Variants in YAP1 observed in about 807,000 individuals in gnomAD.
YAP1 encodes the protein Yes1 associated transcriptional regulator.
A neutral mutation model predicts 56.9 loss-of-function variants in YAP1; 5 were observed. That is an observed-to-expected ratio of 0.09 (90% CI 0.05 to 0.18). YAP1 has a LOEUF of 0.18. Among genes scored for constraint, YAP1 ranks in the 10% least tolerant of loss-of-function variants. The pLI is 1.00. For synonymous variants in YAP1, 265 were observed against 248.1 expected, an observed-to-expected ratio of 1.07 and a Z score of -0.64; for missense variants, 539 against 651.8, an observed-to-expected ratio of 0.83 and a Z score of 1.88.
At chr11:102,144,601 C>G (rs1343896496) in intron 2 of YAP1, among the ~76,000 whole-genome samples, 2 of 152,152 alleles carry the variant, frequency 1.3e-5, no homozygotes, top group Admixed American at 6.5e-5. Context: ...TGGTGCCACC[C>G]TGTCTGAGTT....
chr11:102,125,099 C>T (rs866013796), intron 2 of YAP1, among the ~76,000 whole-genome samples: 11 of 150,938 alleles, frequency 7.3e-5, no homozygotes, highest in South Asian at 4.2e-4. Flanking sequence ...TGCAGTGGCA[C>T]GCTCAGGGCT....
At chr11:102,150,491 A>G (rs1458038230) in intron 2 of YAP1, among the ~76,000 whole-genome samples, 1 of 152,188 alleles carries the variant, frequency 6.6e-6, no homozygotes, top group Non-Finnish European at 1.5e-5. Context: ...CAAATAGTTC[A>G]GTTACCAATT....
At chr11:102,187,465 T>C (rs545736205) in intron 4 of YAP1, among the ~76,000 whole-genome samples, 3 of 152,322 alleles carry the variant, frequency 2.0e-5, no homozygotes, top group Admixed American at 2.0e-4. Flanking sequence ...CCAAGTAAGA[T>C]AGAGAATTTA....
chr11:102,193,567 A>G (rs1258434383), intron 4 of YAP1, among the ~76,000 whole-genome samples: 1 of 152,234 alleles, frequency 6.6e-6, no homozygotes, highest in Non-Finnish European at 1.5e-5. Context: ...CTGAGTAGAC[A>G]TATGTTACGG....
At chr11:102,144,244 A>G (rs972373518) in intron 2 of YAP1, among the ~76,000 whole-genome samples, 1 of 152,184 alleles carries the variant, frequency 6.6e-6, no homozygotes, top group Non-Finnish European at 1.5e-5. Flanking sequence ...AATCCCAGTA[A>G]TATTTTCTCA....
At chr11:102,177,748 C>T (rs193081552) in intron 3 of YAP1, among the ~76,000 whole-genome samples, 1 of 151,940 alleles carries the variant, frequency 6.6e-6, no homozygotes, top group East Asian at 1.9e-4. Flanking sequence ...GAAGAAACCC[C>T]ACTCAAAATA....
chr11:102,229,320 C>T (rs555413998), intron 8 of YAP1, among the ~76,000 whole-genome samples: 5 of 152,240 alleles, frequency 3.3e-5, no homozygotes, highest in South Asian at 4.1e-4. Context: ...CTATACCACT[C>T]ATGTTTATGT....
chr11:102,206,755 A>T (rs748081708), intron 5 of YAP1, among the ~76,000 whole-genome samples: 14 of 152,192 alleles, frequency 9.2e-5, no homozygotes, highest in Non-Finnish European at 2.1e-4. Context: ...AGGCACAAGA[A>T]TCACTTGAGC....
At chr11:102,133,911 A>G (rs182471413) in intron 2 of YAP1, among the ~76,000 whole-genome samples, 27 of 152,304 alleles carry the variant, frequency 1.8e-4, no homozygotes, top group African/African-American at 5.8e-4. Flanking sequence ...TTGGCTGTCA[A>G]TCTCCCTGCA....
intron 3 of YAP1, among the ~76,000 whole-genome samples, chr11:102,168,938 G>A (rs1018375288): frequency 6.6e-6 from 1 of 152,332 alleles, no homozygotes; most frequent in Non-Finnish European, 1.5e-5. Context: ...AGAACCAACA[G>A]GGTTGAGGTG....
intron 2 of YAP1, among the ~76,000 whole-genome samples, chr11:102,158,146 GT>G (rs1456556006): frequency 6.6e-6 from 1 of 152,234 alleles, no homozygotes; most frequent in East Asian, 1.9e-4. Flanking sequence ...GGTTTTACAA[GT>G]TTTTTAGTTT....
chr11:102,154,996 A>G (rs1159857710), intron 2 of YAP1, among the ~76,000 whole-genome samples: 1 of 152,202 alleles, frequency 6.6e-6, no homozygotes, highest in Non-Finnish European at 1.5e-5. Flanking sequence ...CACAGTAGGC[A>G]GTCAATAGGT....
chr11:102,227,537 G>A lies in YAP1; in HGVS notation c.1232G>A (p.Arg411Gln), dbSNP rs1213331999. Residue 411 changes from arginine to glutamine, a missense_variant, in exon 8 of 9, where the codon CGA becomes CAA. Arg to Gln is a conservative substitution (Grantham distance 43). This residue lies in a region of YAP1 where 414 missense variants were observed against 512.4 expected (regional missense o/e 0.81). Coordinates refer to ENST00000282441, the MANE Select transcript of YAP1 (RefSeq NM_001130145.3). ...AGCATGAGCAGCTACAGTGTCCCTCGAACCCCAGATGACTTCCTGAACAGT... is the reference window on the plus strand; with the variant it reads ...AGCATGAGCAGCTACAGTGTCCCTCAAACCCCAGATGACTTCCTGAACAGT... ...GLSMSSYSVP[R>Q]TPDDFLNSVD... is the part of the protein sequence containing the mutation. 4.3e-6 allele frequency: 7 copies of A among 1,613,850 alleles called. No homozygotes were observed. The highest frequency in any genetic ancestry group is 3.3e-5 in the Admixed American group (2 of 59,978).
At chr11:102,134,309 CTG>C (rs1161712647) in intron 2 of YAP1, among the ~76,000 whole-genome samples, 1 of 151,858 alleles carries the variant, frequency 6.6e-6, no homozygotes, top group Non-Finnish European at 1.5e-5. Context: ...AATCTGTTAA[CTG>C]TGATTTAGAA....
intron 2 of YAP1, among the ~76,000 whole-genome samples, chr11:102,125,151 C>T (rs1301901472): frequency 6.7e-6 from 1 of 149,870 alleles, no homozygotes; most frequent in African/African-American, 2.5e-5. Context: ...ATCGTCCTGC[C>T]TTAGCCTCCC....
chr11:102,204,059 A>G (rs1949004804), intron 4 of YAP1, among the ~76,000 whole-genome samples: 1 of 151,910 alleles, frequency 6.6e-6, no homozygotes, highest in Non-Finnish European at 1.5e-5. Flanking sequence ...CCTCTCTTTA[A>G]TATCCTTGGT....
intron 2 of YAP1, among the ~76,000 whole-genome samples, chr11:102,130,750 T>C (rs1944329867): frequency 7.0e-6 from 1 of 143,020 alleles, no homozygotes; most frequent in Non-Finnish European, 1.5e-5. Flanking sequence ...TTTTTAAGAT[T>C]TAAAAAAACT....
intron 2 of YAP1, among the ~76,000 whole-genome samples, chr11:102,140,318 G>T (rs541395831): frequency 1.1e-4 from 16 of 152,216 alleles, no homozygotes; most frequent in Middle Eastern, 3.4e-3. Flanking sequence ...AGCAACAATT[G>T]ATAGGAATTA....
At chr11:102,183,027 C>T (rs889186327) in intron 3 of YAP1, among the ~76,000 whole-genome samples, 2 of 152,148 alleles carry the variant, frequency 1.3e-5, no homozygotes, top group Non-Finnish European at 2.9e-5. Context: ...TATTAGCCTA[C>T]AAGCTTGTAA....
Sources: allele counts gnomAD v4.1 joint callset (sites outside exome capture counted in the v4.1 genomes callset), GRCh38; gene constraint gnomAD v4.1.1; regional missense constraint gnomAD v4.1.1; transcripts MANE v1.5; gene names NCBI Gene and HGNC (gene_info 2026-07-23, HGNC 2026-07-21).